The following OSTN variants were observed in gnomAD, a reference collection of about 807,000 sequenced individuals.
OSTN encodes the protein osteocrin.
A neutral mutation model predicts 12.0 loss-of-function variants in OSTN; 9 were observed. That is an observed-to-expected ratio of 0.75 (90% CI 0.45 to 1.30). The LOEUF (loss-of-function observed/expected upper bound fraction) is 1.30, where lower values mean the gene tolerates loss of function less well. Among genes scored for constraint, OSTN ranks in the 50% most tolerant of loss-of-function variants. The probability of loss-of-function intolerance (pLI) is 0.00; values close to 1 mark genes in which losing one functional copy is unlikely to be tolerated. For synonymous variants in OSTN, 59 were observed against 56.9 expected, an observed-to-expected ratio of 1.04 and a Z score of -0.16; for missense variants, 148 against 152.3, an observed-to-expected ratio of 0.97 and a Z score of 0.15.
At chr3:191,259,293 C>G (rs1715747519) in intron 4 of OSTN, among the ~76,000 whole-genome samples, 1 of 151,838 alleles carries the variant, frequency 6.6e-6, no homozygotes, top group Admixed American at 6.6e-5. Flanking sequence ...CTCCCAGATC[C>G]AAGAAATTCT....
chr3:191,238,884 T>C (rs1715260195), intron 3 of OSTN, among the ~76,000 whole-genome samples: 2 of 152,246 alleles, frequency 1.3e-5, no homozygotes, highest in Admixed American at 6.5e-5. Context: ...GGATAATACC[T>C]GATTCCATAT....
intron 3 of OSTN, among the ~76,000 whole-genome samples, chr3:191,237,438 G>A (rs1715218097): frequency 1.3e-5 from 2 of 152,298 alleles, no homozygotes; most frequent in South Asian, 2.1e-4. Flanking sequence ...AAGTTTTAGA[G>A]TGGGGTGGAA....
chr3:191,217,578 G>T (rs945356492), intron 2 of OSTN, among the ~76,000 whole-genome samples: 4 of 152,160 alleles, frequency 2.6e-5, no homozygotes, highest in Non-Finnish European at 2.9e-5. Flanking sequence ...GTTAATAGGA[G>T]CATTTAAGAA....
chr3:191,258,027 A>G (rs571477579), intron 4 of OSTN, among the ~76,000 whole-genome samples: 1 of 152,366 alleles, frequency 6.6e-6, no homozygotes, highest in East Asian at 1.9e-4. Flanking sequence ...TAGTCTAAAA[A>G]GACAGATTGA....
At chr3:191,253,317 C>T (rs1440479892) in intron 4 of OSTN, among the ~76,000 whole-genome samples, 4 of 152,132 alleles carry the variant, frequency 2.6e-5, no homozygotes. Flanking sequence ...GGAAGTTTTG[C>T]TTCATTCGAG....
At chr3:191,243,612 A>G (rs1024852051) in intron 3 of OSTN, among the ~76,000 whole-genome samples, 11 of 152,116 alleles carry the variant, frequency 7.2e-5, no homozygotes, top group African/African-American at 2.4e-4. Flanking sequence ...GGTGTACAGT[A>G]TGTTCTGATA....
chr3:191,222,857 A>G (rs1348582385), intron 3 of OSTN, among the ~76,000 whole-genome samples: 1 of 152,022 alleles, frequency 6.6e-6, no homozygotes, highest in Non-Finnish European at 1.5e-5. Flanking sequence ...GTGAGTTCTC[A>G]TGAGATCTGA....
At position 191,264,402 on chromosome 3, in the gene OSTN, G is replaced by A. The variant is rs549751693; in HGVS notation, c.*1549G>A. 2 of 152,172 alleles carry A rather than the reference G, an allele frequency of 1.3e-5. No individual in the cohort carries two copies. Among genetic ancestry groups the A allele is most frequent in the African/African-American group, 4.8e-5 (2 of 41,562 alleles). The allele number at this position is 152,172 out of a possible 1,614,324, so 9.4% of individuals were successfully genotyped here. On this transcript the variant is annotated 3_prime_UTR_variant, in exon 5 of 5. Coordinates refer to ENST00000682035, the MANE Select transcript of OSTN (RefSeq NM_198184.2). ...TACTTAGAATATATATATTGGTTTT[G>A]TATGTAACTTCTTAGTTTTTCTGGA...
intron 3 of OSTN, among the ~76,000 whole-genome samples, chr3:191,245,864 G>A (rs985136384): frequency 1.1e-4 from 16 of 151,866 alleles, no homozygotes; most frequent in African/African-American, 3.9e-4. Flanking sequence ...TCAGGAGTTC[G>A]AGACCAGCCT....
intron 3 of OSTN, among the ~76,000 whole-genome samples, chr3:191,230,480 C>T (rs1715025043): frequency 7.0e-6 from 1 of 143,784 alleles, no homozygotes. Flanking sequence ...AGGGAAATCG[C>T]TTGAACGTGG....
At chr3:191,262,563 G>T (rs1576907269) in intron 4 of OSTN, among the ~76,000 whole-genome samples, 1 of 152,064 alleles carries the variant, frequency 6.6e-6, no homozygotes, top group East Asian at 1.9e-4. Context: ...AAAAACTCAA[G>T]CAAAATAGAA....
intron 4 of OSTN, among the ~76,000 whole-genome samples, chr3:191,259,765 G>A (rs368461929): frequency 1.1e-4 from 16 of 151,508 alleles, no homozygotes; most frequent in African/African-American, 3.6e-4. Context: ...TCTTACAAAG[G>A]ATTTTAAATG....
intron 2 of OSTN, among the ~76,000 whole-genome samples, chr3:191,213,584 T>C (rs1004759190): frequency 2.0e-5 from 3 of 152,088 alleles, no homozygotes; most frequent in African/African-American, 7.2e-5. Flanking sequence ...TTCAAACTTT[T>C]AATTACAGTA....
Position 191,253,976 on chromosome 3 carries a change from T to A in OSTN, c.*12+3843T>A, listed in dbSNP as rs139593584. ...TTGGAGAGATTTGGATTAGAGGTTG[T>A]TAGATAGAAATAGACAAAAGATGGA... On this transcript the variant is annotated intron_variant, in intron 4 of 4. Transcript: ENST00000682035. 2.6e-3 allele frequency among the ~76,000 whole-genome samples: 389 copies of A among 152,330 alleles called. 1 individual carries two copies. The highest frequency in any genetic ancestry group is 4.4e-3 in the Non-Finnish European group (296 of 68,036).
At chr3:191,217,864 G>C (rs959867035) in intron 2 of OSTN, among the ~76,000 whole-genome samples, 2 of 151,928 alleles carry the variant, frequency 1.3e-5, no homozygotes, top group Admixed American at 1.3e-4. Context: ...GCACACACTG[G>C]ATTAGTAATG....
chr3:191,244,297 T>C (rs1053593826), intron 3 of OSTN, among the ~76,000 whole-genome samples: 11 of 152,086 alleles, frequency 7.2e-5, no homozygotes, highest in African/African-American at 2.4e-4. Flanking sequence ...ATTAGTTTCA[T>C]TTAAAATAAA....
intron 3 of OSTN, 61 bp from the exon 4 acceptor site, chr3:191,249,976 C>T: frequency 1.5e-6 from 2 of 1,315,464 alleles, no homozygotes; most frequent in Non-Finnish European, 2.2e-6. Flanking sequence ...AAATAAAGAA[C>T]AAAAATAATG....
intron 3 of OSTN, 46 bp from the exon 4 acceptor site, chr3:191,249,991 A>G: frequency 7.2e-7 from 1 of 1,395,598 alleles, no homozygotes; most frequent in Non-Finnish European, 1.0e-6. Flanking sequence ...ATAATGATCA[A>G]TAACTTGCCC....
intron 2 of OSTN, among the ~76,000 whole-genome samples, chr3:191,217,440 T>C (rs936927435): frequency 6.6e-6 from 1 of 152,038 alleles, no homozygotes; most frequent in Non-Finnish European, 1.5e-5. Context: ...GTCTGGCACA[T>C]GGAAGAATGA....
Sources: gnomAD v4.1 joint callset for allele counts (sites outside exome capture counted in the v4.1 genomes callset) on GRCh38, gnomAD v4.1.1 for gene constraint, MANE v1.5 for transcripts, NCBI Gene and HGNC (gene_info 2026-07-23, HGNC 2026-07-21) for gene names.